TRPC4AP: variants seen among roughly 807,000 people sequenced by gnomAD.
The protein encoded by TRPC4AP is short transient receptor potential channel 4-associated protein.
TRPC4AP carries 45 observed loss-of-function variants against 99.0 expected under a neutral mutation model. That is an observed-to-expected ratio of 0.45 (90% CI 0.36 to 0.58). The LOEUF (loss-of-function observed/expected upper bound fraction) is 0.58, where lower values mean the gene tolerates loss of function less well. TRPC4AP is among the 20% of genes least tolerant of loss of function. TRPC4AP has a pLI of 0.00. For missense variants in TRPC4AP, 879 were observed against 985.3 expected (o/e 0.89, Z 1.44); for synonymous variants, 408 against 385.8 (o/e 1.06, Z -0.67).
At chr20:35,083,198 G>C (rs571295748) in intron 1 of TRPC4AP, among the ~76,000 whole-genome samples, 2 of 152,060 alleles carry the variant, frequency 1.3e-5, no homozygotes, top group Non-Finnish European at 2.9e-5. Flanking sequence ...TTATATTACA[G>C]CTACAATTTT....
intron 1 of TRPC4AP, among the ~76,000 whole-genome samples, chr20:35,092,100 G>A (rs2085084564): frequency 6.6e-6 from 1 of 152,220 alleles, no homozygotes; most frequent in African/African-American, 2.4e-5. Context: ...AGAAAGTAAT[G>A]TAAACGAAAC....
rs529473609 is a variant in TRPC4AP at position 35,070,773 on chromosome 20, C to G, written c.298-1361G>C. On this transcript the variant is annotated intron_variant, in intron 2 of 18. Coordinates refer to ENST00000252015, the MANE Select transcript of TRPC4AP (RefSeq NM_015638.3). ...AACAGATCCCACTTTGTATTCCCCA[C>G]AGATTCCAAGACAGAGTATTTGATA... is the stretch of plus-strand genomic sequence containing the variant. 2.0e-5 allele frequency among the ~76,000 whole-genome samples: 3 copies of G among 152,266 alleles called. No homozygotes were observed. In the East Asian group the frequency reaches 5.8e-4, roughly 29 times the overall value.
At chr20:35,087,354 G>T (rs949920962) in intron 1 of TRPC4AP, among the ~76,000 whole-genome samples, 6 of 139,582 alleles carry the variant, frequency 4.3e-5, no homozygotes, top group Non-Finnish European at 9.2e-5. Flanking sequence ...AAAAAAAAAA[G>T]TCAGTGAATC....
At chr20:35,047,477 G>A (rs2083587278) in intron 6 of TRPC4AP, among the ~76,000 whole-genome samples, 1 of 152,096 alleles carries the variant, frequency 6.6e-6, no homozygotes, top group African/African-American at 2.4e-5. Context: ...ATATTCCATT[G>A]TGTGAAGAAA....
intron 3 of TRPC4AP, among the ~76,000 whole-genome samples, chr20:35,065,331 A>T (rs1440699165): frequency 1.3e-5 from 2 of 152,068 alleles, no homozygotes; most frequent in Non-Finnish European, 2.9e-5. Flanking sequence ...CATTCCCCAT[A>T]CTCATTTAAT....
rs186455591 is a variant in TRPC4AP, at chr20:35,067,833, T to C, written c.414+1463A>G. On this transcript the variant is annotated intron_variant, in intron 3 of 18. Transcript: ENST00000252015. ...TCTATAGAGACAAAAAGTATACTAG[T>C]GTGGGGAGAGGGGGAGGAGGTGGTA... 5.5e-3 allele frequency among the ~76,000 whole-genome samples: 829 copies of C among 152,042 alleles called. 4 individuals carry two copies. Among genetic ancestry groups the C allele is most frequent in the Non-Finnish European group, 8.5e-3 (579 of 67,974 alleles).
chr20:35,031,442 C>T (rs2083193935), intron 8 of TRPC4AP, among the ~76,000 whole-genome samples: 2 of 138,160 alleles, frequency 1.4e-5, no homozygotes, highest in Admixed American at 7.5e-5. Context: ...TGCCACATTC[C>T]CCAGGCTGGT....
chr20:35,048,713 T>G (rs2083619508), intron 6 of TRPC4AP, among the ~76,000 whole-genome samples: 1 of 151,638 alleles, frequency 6.6e-6, no homozygotes, highest in Non-Finnish European at 1.5e-5. Flanking sequence ...TGAGAGGGAG[T>G]GAGAGGCAAG....
intron 5 of TRPC4AP, among the ~76,000 whole-genome samples, chr20:35,051,603 G>C (rs2083702179): frequency 6.9e-6 from 1 of 144,694 alleles, no homozygotes; most frequent in African/African-American, 2.6e-5. Flanking sequence ...TTCAGTCGTA[G>C]CACTGACACA....
At chr20:35,047,131 G>T (rs6060176) in intron 6 of TRPC4AP, among the ~76,000 whole-genome samples, 68 of 152,292 alleles carry the variant, frequency 4.5e-4, no homozygotes, top group African/African-American at 1.5e-3. Context: ...ACAAAGTGCT[G>T]GGATTACAGG....
In TRPC4AP at chr20:35,010,265, T is replaced by C. The variant is rs1356845785; in HGVS notation, c.1433A>G (p.Asn478Ser). 2.5e-6 allele frequency: 4 copies of C among 1,614,142 alleles called. No individual in the cohort carries two copies. The East Asian group carries it at 8.9e-5, about 36-fold the overall frequency. ...HHENKYLLLN[N>S]QELNELSAIS... ...GGCACTGAGTTCATTCAGCTCCTGGTTGTTGAGTAACAAGTACTTGTTCCT... is the reference window on the plus strand; with the variant it reads ...GGCACTGAGTTCATTCAGCTCCTGGCTGTTGAGTAACAAGTACTTGTTCCT... Residue 478 changes from asparagine to serine, a missense_variant, in exon 12 of 19, where the codon AAC (asparagine) becomes AGC (serine). Asn to Ser is a conservative substitution (Grantham distance 46). Transcript: ENST00000252015.
At chr20:35,008,312 C>T (rs1230219041) in intron 13 of TRPC4AP, among the ~76,000 whole-genome samples, 1 of 152,180 alleles carries the variant, frequency 6.6e-6, no homozygotes, top group African/African-American at 2.4e-5. Context: ...CTTTCCTTTG[C>T]TGCTATAGCT....
chr20:35,022,624 C>G (rs1417114033), intron 8 of TRPC4AP, among the ~76,000 whole-genome samples: 1 of 152,104 alleles, frequency 6.6e-6, no homozygotes, highest in Non-Finnish European at 1.5e-5. Context: ...AGGCCTTTTG[C>G]AAAGGCCTCT....
In TRPC4AP at chr20:35,054,994, C is replaced by T; in HGVS notation, c.510G>A (p.Leu170=). The change falls in exon 5 of 19, where the codon CTG becomes CTA. Residue 170 remains leucine, a synonymous_variant. Transcript: ENST00000252015. ...TACTTACACAGACACAGGTATTATA[C>T]AGGATACTCAAGCAGTCCTTGGACA... The part of the protein sequence containing the change: ...DEMSKDCLSI[L]YNTCVCTEGV... 1 of 1,613,768 alleles carries T rather than the reference C, an allele frequency of 6.2e-7. No homozygotes were observed. Among genetic ancestry groups the T allele is most frequent in the Non-Finnish European group, 8.5e-7 (1 of 1,179,808 alleles).
At chr20:35,075,991 G>A (rs886449148) in intron 2 of TRPC4AP, among the ~76,000 whole-genome samples, 6 of 151,910 alleles carry the variant, frequency 3.9e-5, no homozygotes, top group Admixed American at 6.6e-5. Context: ...TTCTCTTCTC[G>A]CTTCATTTCA....
chr20:35,048,288 T>A (rs575844727), intron 6 of TRPC4AP, among the ~76,000 whole-genome samples: 36 of 150,826 alleles, frequency 2.4e-4, no homozygotes, highest in African/African-American at 8.8e-4. Flanking sequence ...CTTGGCTCAC[T>A]GCAACCTCTG....
At chr20:35,075,211 C>A (rs985124033) in intron 2 of TRPC4AP, among the ~76,000 whole-genome samples, 2 of 152,038 alleles carry the variant, frequency 1.3e-5, no homozygotes. Context: ...GACTCTTTAT[C>A]CAATTTGCCA....
chr20:35,041,014 A>G (rs1052964289), intron 7 of TRPC4AP, among the ~76,000 whole-genome samples: 3 of 152,204 alleles, frequency 2.0e-5, no homozygotes, highest in Non-Finnish European at 4.4e-5. Context: ...GACAGAGAGG[A>G]AAATTCATAT....
rs186163202 is a variant in TRPC4AP, at chr20:35,060,951, G to A, written c.415-3380C>T. Among the ~76,000 whole-genome samples the A allele has an allele frequency of 5.1e-3, 777 of 152,132 alleles. 1 individual carries two copies. Among genetic ancestry groups the A allele is most frequent in the Admixed American group, 7.6e-3 (116 of 15,280 alleles). Reference sequence around the variant, plus strand: ...GAAAAAGACAAAGATGTCCACTCTCGCCACTTCAATTTAACATTGTACTGA... The same window carrying A: ...GAAAAAGACAAAGATGTCCACTCTCACCACTTCAATTTAACATTGTACTGA... On this transcript the variant is annotated intron_variant, in intron 3 of 18. Coordinates refer to ENST00000252015, the MANE Select transcript of TRPC4AP (RefSeq NM_015638.3).
Sources: gnomAD v4.1 joint callset for allele counts (sites outside exome capture counted in the v4.1 genomes callset) on GRCh38, gnomAD v4.1.1 for gene constraint, MANE v1.5 for transcripts, NCBI Gene and HGNC (gene_info 2026-07-23, HGNC 2026-07-21) for gene names.